AOPEP: variants seen among roughly 807,000 people sequenced by gnomAD.
The protein encoded by AOPEP is aminopeptidase O.
Under a neutral mutation model 98.1 loss-of-function variants are expected in AOPEP, and 77 were observed. The observed-to-expected ratio is 0.78, with a 90% confidence interval of 0.65 to 0.95. The LOEUF (loss-of-function observed/expected upper bound fraction) is 0.95, where lower values mean the gene tolerates loss of function less well. AOPEP is among the 40% of genes least tolerant of loss of function. The pLI, the probability that AOPEP is intolerant of heterozygous loss-of-function variation, is 0.00. For synonymous variants in AOPEP, 346 were observed against 365.3 expected, an observed-to-expected ratio of 0.95 and a Z score of 0.60; for missense variants, 1,024 against 1,024.7, an observed-to-expected ratio of 1.00 and a Z score of 0.01.
intron 5 of AOPEP, among the ~76,000 whole-genome samples, chr9:94,818,244 C>G (rs1413118957): frequency 1.3e-5 from 2 of 152,204 alleles, no homozygotes; most frequent in Non-Finnish European, 2.9e-5. Flanking sequence ...TCAGCAGATA[C>G]TGGTTCCTTG....
chr9:95,038,786 G>T (rs1315941353), intron 13 of AOPEP, among the ~76,000 whole-genome samples: 1 of 152,196 alleles, frequency 6.6e-6, no homozygotes. Context: ...GGTAAGTCCA[G>T]GTTACTTCTA....
At position 94,996,350 on chromosome 9, in the gene AOPEP, CTGTGTGTGTGTG is replaced by C. The variant is rs10608161; in HGVS notation, c.1978-8777_1978-8766del. Among the ~76,000 whole-genome samples the C allele has an allele frequency of 1.8e-3, 249 of 141,864 alleles. 1 individual carries two copies. The highest frequency in any genetic ancestry group is 5.2e-3 in the African/African-American group (195 of 37,714). The allele number at this position is 141,864 out of a possible 152,430, so 93.1% of individuals were successfully genotyped here. ...CACATGTGGTGGATTTTACTTGCCT[CTGTGTGTGTGTG>C]TGTGTGTGTGTGTGTGTGTGTGTGT... On this transcript the variant is annotated intron_variant, in intron 11 of 16. Coordinates refer to ENST00000375315, the MANE Select transcript of AOPEP (RefSeq NM_001193329.3).
the AOPEP span, among the ~76,000 whole-genome samples, chr9:95,134,594 G>A: frequency 1.3e-5 from 2 of 152,268 alleles, no homozygotes; most frequent in Non-Finnish European, 2.9e-5. Context: ...GACAGAGGCT[G>A]CGGGACCATG....
At chr9:94,908,089 A>G (rs1298998411) in intron 5 of AOPEP, among the ~76,000 whole-genome samples, 1 of 152,118 alleles carries the variant, frequency 6.6e-6, no homozygotes, top group Non-Finnish European at 1.5e-5. Flanking sequence ...AGGTTGCTTA[A>G]CAGAGCAGAA....
chr9:94,967,762 T>C lies in AOPEP; in HGVS notation c.1877T>C (p.Phe626Ser). The C allele has an allele frequency of 6.2e-7, 1 of 1,613,356 alleles. No homozygotes were observed. The highest frequency in any genetic ancestry group is 8.5e-7 in the Non-Finnish European group (1 of 1,179,266). Reference sequence around the variant, plus strand: ...ATTTGCTTTTTTTAATCCCAGGATTTCCTTCAAATGCTACTGGAGAACATT... The same window carrying C: ...ATTTGCTTTTTTTAATCCCAGGATTCCCTTCAAATGCTACTGGAGAACATT... ...FHGQLILSQD[F>S]LQMLLENIPE... Residue 626 changes from phenylalanine to serine, a missense_variant, in exon 10 of 17, where the codon TTC becomes TCC. This residue lies in a region of AOPEP where 566 missense variants were observed against 551.7 expected (regional missense o/e 1.03). Transcript: ENST00000375315.
chr9:94,760,161 T>C lies in AOPEP; in HGVS notation c.378T>C (p.Ser126=). The C allele has an allele frequency of 2.5e-6, 4 of 1,614,250 alleles. No individual in the cohort carries two copies. The highest frequency in any genetic ancestry group is 2.2e-5 in the East Asian group (1 of 44,894). ...ACCAGGAACATGCTTCTGGGATTTC[T>C]AGCTCAAAGTACTGCTGTGACACAG... The part of the protein sequence containing the change: ...HDNQEHASGI[S]SSKYCCDTGN... Residue 126 remains serine (S), a synonymous_variant, in exon 2 of 17, where the codon TCT becomes TCC. Transcript: ENST00000375315.
At chr9:94,999,780 T>TGG (rs2061444638) in intron 11 of AOPEP, among the ~76,000 whole-genome samples, 1 of 150,634 alleles carries the variant, frequency 6.6e-6, no homozygotes, top group African/African-American at 2.5e-5. Flanking sequence ...TCCTGACAAT[T>TGG]GGGGTGTGTG....
intron 5 of AOPEP, among the ~76,000 whole-genome samples, chr9:94,907,398 A>G (rs573830901): frequency 2.0e-5 from 3 of 152,154 alleles, no homozygotes; most frequent in African/African-American, 4.8e-5. Flanking sequence ...TGCAGCTGCC[A>G]TGTTTCAAGG....
chr9:94,839,845 T>C (rs1394875509), intron 5 of AOPEP, among the ~76,000 whole-genome samples: 5 of 152,148 alleles, frequency 3.3e-5, no homozygotes, highest in Non-Finnish European at 4.4e-5. Flanking sequence ...GATAGCTCAC[T>C]ACAGTGTCAA....
intron 7 of AOPEP, among the ~76,000 whole-genome samples, chr9:94,938,628 A>G (rs1588990999): frequency 6.6e-6 from 1 of 152,150 alleles, no homozygotes; most frequent in Admixed American, 6.5e-5. Context: ...GCTGGAGAGG[A>G]CAGCCACGAA....
chr9:94,905,698 G>T (rs1367600430), intron 5 of AOPEP, among the ~76,000 whole-genome samples: 1 of 152,088 alleles, frequency 6.6e-6, no homozygotes, highest in Non-Finnish European at 1.5e-5. Context: ...GGAAACACAT[G>T]CACACACACT....
chr9:94,832,567 C>G (rs1440362181), intron 5 of AOPEP, among the ~76,000 whole-genome samples: 2 of 152,152 alleles, frequency 1.3e-5, no homozygotes, highest in African/African-American at 4.8e-5. Context: ...AAAATATGCA[C>G]ATATACACAC....
chr9:94,739,934 T>C (rs1301443982), intron 1 of AOPEP, among the ~76,000 whole-genome samples: 1 of 152,224 alleles, frequency 6.6e-6, no homozygotes, highest in Admixed American at 6.5e-5. Context: ...GTTGATGCCC[T>C]ATTTTAAAAG....
intron 5 of AOPEP, among the ~76,000 whole-genome samples, chr9:94,801,240 A>G (rs949667099): frequency 2.6e-5 from 4 of 152,224 alleles, no homozygotes; most frequent in Admixed American, 1.3e-4. Flanking sequence ...AAAGGCTCAC[A>G]TTGTTGCTGG....
chr9:94,782,802 C>T (rs560416155), intron 3 of AOPEP, among the ~76,000 whole-genome samples: 1 of 152,072 alleles, frequency 6.6e-6, no homozygotes, highest in Non-Finnish European at 1.5e-5. Context: ...TGCCGGTGAG[C>T]CAGTAATTTC....
At chr9:94,761,535 T>C (rs1838296045) in intron 2 of AOPEP, among the ~76,000 whole-genome samples, 1 of 152,212 alleles carries the variant, frequency 6.6e-6, no homozygotes, top group Admixed American at 6.5e-5. Context: ...TTTCCTTAAT[T>C]GAAGCAGTGG....
intron 11 of AOPEP, among the ~76,000 whole-genome samples, chr9:94,989,547 T>G (rs2060752287): frequency 6.8e-6 from 1 of 146,500 alleles, no homozygotes; most frequent in Non-Finnish European, 1.5e-5. Context: ...GAAGCTTCTT[T>G]TCTAAGTACA....
chr9:94,822,201 C>G (rs774445499), intron 5 of AOPEP, among the ~76,000 whole-genome samples: 10 of 152,212 alleles, frequency 6.6e-5, no homozygotes, highest in African/African-American at 9.7e-5. Flanking sequence ...GTCACACACT[C>G]TAGCCCCTTT....
At chr9:94,975,463 A>T (rs1289827003) in intron 10 of AOPEP, among the ~76,000 whole-genome samples, 1 of 151,946 alleles carries the variant, frequency 6.6e-6, no homozygotes, top group African/African-American at 2.4e-5. Context: ...TAACTATGTT[A>T]AAGCAGAATT....
Sources: gnomAD v4.1 joint callset for allele counts (sites outside exome capture counted in the v4.1 genomes callset) on GRCh38, gnomAD v4.1.1 for gene constraint, gnomAD v4.1.1 regional missense constraint, MANE v1.5 for transcripts, NCBI Gene and HGNC (gene_info 2026-07-23, HGNC 2026-07-21) for gene names.